The following MRPS27 variants were observed in gnomAD, a reference collection of about 807,000 sequenced individuals.
MRPS27 encodes mitochondrial ribosomal protein S27.
In MRPS27, 43 loss-of-function variants were observed where a neutral mutation model predicts 48.9. The observed-to-expected ratio is 0.88, with a 90% confidence interval of 0.69 to 1.13. The LOEUF is 1.13. MRPS27 is among the 50% of genes most tolerant of loss of function. MRPS27 has a pLI of 0.00. For synonymous variants in MRPS27, 188 were observed against 171.9 expected, an observed-to-expected ratio of 1.09 and a Z score of -0.73; for missense variants, 467 against 476.3, an observed-to-expected ratio of 0.98 and a Z score of 0.18.
At chr5:72,283,829 G>A (rs1156844803) in intron 4 of MRPS27, among the ~76,000 whole-genome samples, 2 of 151,910 alleles carry the variant, frequency 1.3e-5, no homozygotes, top group Admixed American at 1.3e-4. Flanking sequence ...TTCCCACTGA[G>A]GTTCAATTTT....
chr5:72,273,737 G>A (rs1228958074), intron 4 of MRPS27, among the ~76,000 whole-genome samples: 1 of 152,164 alleles, frequency 6.6e-6, no homozygotes. Context: ...AGTAGCTCTG[G>A]GTGAGTCAGT....
At chr5:72,313,131 A>G (rs1204582436) in intron 2 of MRPS27, among the ~76,000 whole-genome samples, 2 of 152,114 alleles carry the variant, frequency 1.3e-5, no homozygotes, top group African/African-American at 4.8e-5. Context: ...GCCTGTGCAC[A>G]TACACCCATC....
rs1580099606 is a variant in MRPS27, at chr5:72,286,475, A to C, written c.281+9056T>G. On this transcript the variant is annotated intron_variant, in intron 4 of 10. Transcript: ENST00000261413. ...AAACTAATTATCAACAAAGGTACAA[A>C]GGCAATTTAAAAATAGCCTTTTCAA... Among the ~76,000 whole-genome samples, 4 of 152,220 alleles carry C rather than the reference A, an allele frequency of 2.6e-5. No individual in the cohort carries two copies. The East Asian group carries it at 7.7e-4, about 29-fold the overall frequency.
chr5:72,227,382 C>T (rs144837730), intron 8 of MRPS27: 1 of 152,252 alleles, frequency 6.6e-6, no homozygotes, highest in East Asian at 1.9e-4. Context: ...GTCTGATAGA[C>T]AGTCAATAAA....
intron 4 of MRPS27, among the ~76,000 whole-genome samples, chr5:72,261,602 G>GA (rs1053877149): frequency 6.6e-6 from 1 of 152,036 alleles, no homozygotes; most frequent in African/African-American, 2.4e-5. Flanking sequence ...AATAGGAGTA[G>GA]AAAACTGAAA....
chr5:72,225,601 T>C lies in MRPS27; in HGVS notation c.837+456A>G, dbSNP rs778550749. Among the ~76,000 whole-genome samples the C allele has an allele frequency of 5.3e-4, 80 of 152,096 alleles. 2 individuals are homozygous for C. The highest frequency in any genetic ancestry group is 1.2e-4 in the Non-Finnish European group (8 of 67,982). ...AAAGAAACATCTGACCGAGATCTCA[T>C]CAGCATCACACATTCACACAGAATG... On this transcript the variant is annotated intron_variant, in intron 9 of 10. Transcript: ENST00000261413.
chr5:72,275,041 C>A (rs1208507114), intron 4 of MRPS27, among the ~76,000 whole-genome samples: 1 of 152,052 alleles, frequency 6.6e-6, no homozygotes, highest in South Asian at 2.1e-4. Context: ...GAATCAGGCA[C>A]GAGAAAGAAA....
At chr5:72,222,819 T>C (rs1747783249) in intron 10 of MRPS27, among the ~76,000 whole-genome samples, 2 of 152,244 alleles carry the variant, frequency 1.3e-5, no homozygotes, top group Admixed American at 6.5e-5. Flanking sequence ...ACAGAAGTAC[T>C]GGGAGAAATT....
At chr5:72,261,018 C>T (rs1748952723) in intron 4 of MRPS27, among the ~76,000 whole-genome samples, 1 of 151,632 alleles carries the variant, frequency 6.6e-6, no homozygotes, top group South Asian at 2.1e-4. Flanking sequence ...CGTGTGTCAC[C>T]ATGCCAGACT....
chr5:72,262,946 A>G (rs1310901375), intron 4 of MRPS27, among the ~76,000 whole-genome samples: 2 of 151,928 alleles, frequency 1.3e-5, no homozygotes, highest in Non-Finnish European at 2.9e-5. Context: ...CAAGTGAGAG[A>G]TTTTTATGCT....
Position 72,300,582 on chromosome 5 carries a change from C to T in MRPS27, c.152-2880G>A, listed in dbSNP as rs79219554. On this transcript the variant is annotated intron_variant, in intron 2 of 10. Coordinates refer to ENST00000261413, the MANE Select transcript of MRPS27 (RefSeq NM_015084.3). ...CTTTTCCTATCTCAGTAAATGACCA[C>T]CACATTGGCTGGTTTACTGAGGCCA... Among the ~76,000 whole-genome samples, 345 of 152,324 alleles carry T rather than the reference C, an allele frequency of 2.3e-3. 6 individuals are homozygous for T. The East Asian group carries it at 0.054, about 24-fold the overall frequency.
intron 4 of MRPS27, among the ~76,000 whole-genome samples, chr5:72,243,541 A>C (rs967155938): frequency 1.3e-5 from 2 of 152,216 alleles, no homozygotes; most frequent in Non-Finnish European, 2.9e-5. Flanking sequence ...CAGTATTATA[A>C]GTTAAAATTT....
Position 72,266,585 on chromosome 5 carries a change from C to T in MRPS27, c.282-28457G>A, listed in dbSNP as rs149041671. 7.1e-3 allele frequency among the ~76,000 whole-genome samples: 1,076 copies of T among 152,286 alleles called. 11 individuals carry two copies. Among genetic ancestry groups the T allele is most frequent in the African/African-American group, 0.025 (1,029 of 41,572 alleles). On this transcript the variant is annotated intron_variant, in intron 4 of 10. Transcript: ENST00000261413. ...CAAAGAAGATGAAGCCCATGCTGGG[C>T]GTGGTGGCTCACGCCTGTAATCCCA... is the stretch of plus-strand genomic sequence containing the variant.
rs771804261 is a variant in MRPS27 at position 72,220,896 on chromosome 5, C to T, written c.*13G>A. The T allele has an allele frequency of 6.2e-7, 1 of 1,613,842 alleles. No homozygotes were observed. Among genetic ancestry groups the T allele is most frequent in the South Asian group, 1.1e-5 (1 of 91,038 alleles). On this transcript the variant is annotated 3_prime_UTR_variant, in exon 11 of 11. Transcript: ENST00000261413. ...AAGTTCTTGTGAGACAGGTGGGGCC[C>T]TGGGGGACCCTATTAGGCAGATGCC...
intron 6 of MRPS27, 61 bp downstream of exon 6, chr5:72,234,058 G>A (rs904671443): frequency 1.1e-5 from 16 of 1,406,862 alleles, no homozygotes; most frequent in Middle Eastern, 2.0e-4. Flanking sequence ...TCCTACATTT[G>A]TACACCTCCC....
intron 4 of MRPS27, among the ~76,000 whole-genome samples, chr5:72,285,031 T>C (rs1245758244): frequency 1.3e-5 from 2 of 152,210 alleles, no homozygotes; most frequent in African/African-American, 4.8e-5. Flanking sequence ...TGACAGATGC[T>C]GCCAAAGTTC....
Position 72,220,752 on chromosome 5 carries a change from TG to T in MRPS27, c.*156del. On this transcript the variant is annotated 3_prime_UTR_variant, in exon 11 of 11. Transcript: ENST00000261413. ...TCCATAGCCCTTCTTGGCATCTCGATGGGCAGTCATGGTGCCTTGCCATGTA... is the reference window on the plus strand; with the variant it reads ...TCCATAGCCCTTCTTGGCATCTCGATGGCAGTCATGGTGCCTTGCCATGTA... 9.2e-7 allele frequency: 1 copy of T among 1,082,490 alleles called. No individual in the cohort carries two copies. Among genetic ancestry groups the T allele is most frequent in the Non-Finnish European group, 1.3e-6 (1 of 751,954 alleles). The allele number at this position is 1,082,490 out of a possible 1,614,324, so 67.1% of individuals were successfully genotyped here.
At chr5:72,235,772 T>A (rs1410047344) in intron 5 of MRPS27, among the ~76,000 whole-genome samples, 1 of 152,170 alleles carries the variant, frequency 6.6e-6, no homozygotes, top group Non-Finnish European at 1.5e-5. Context: ...AAATCCTTCC[T>A]TCCTAGAACA....
chr5:72,258,083 C>CAAAAA (rs1030737219), intron 4 of MRPS27, among the ~76,000 whole-genome samples: 3 of 61,346 alleles, frequency 4.9e-5, no homozygotes, highest in African/African-American at 1.2e-4. Context: ...GACTCTGTCT[C>CAAAAA]AAAAAAAAAA....
Sources: allele counts gnomAD v4.1 joint callset (sites outside exome capture counted in the v4.1 genomes callset), GRCh38; gene constraint gnomAD v4.1.1; transcripts MANE v1.5; gene names NCBI Gene and HGNC (gene_info 2026-07-23, HGNC 2026-07-21).